SAMD12: variants seen among roughly 807,000 people sequenced by gnomAD.
SAMD12 encodes sterile alpha motif domain-containing protein 12.
Under a neutral mutation model 15.0 loss-of-function variants are expected in SAMD12, and 9 were observed. That is an observed-to-expected ratio of 0.60 (90% CI 0.36 to 1.05). The LOEUF is 1.05. Among genes scored for constraint, SAMD12 ranks in the 50% least tolerant of loss-of-function variants. SAMD12 has a pLI of 0.01. For synonymous variants in SAMD12, 86 were observed against 90.1 expected (o/e 0.96, Z 0.25); for missense variants, 230 against 234.2 (o/e 0.98, Z 0.12).
chr8:118,203,576 C>A (rs1354864682), intron 4 of SAMD12, among the ~76,000 whole-genome samples: 1 of 151,960 alleles, frequency 6.6e-6, no homozygotes, highest in African/African-American at 2.4e-5. Context: ...ATTTTCTTTT[C>A]TTTTTTTAAT....
the SAMD12 span, among the ~76,000 whole-genome samples, chr8:118,156,982 G>A: frequency 6.6e-6 from 1 of 152,138 alleles, no homozygotes; most frequent in African/African-American, 2.4e-5. Context: ...GGATATTCAA[G>A]ACAGAGGAAA....
chr8:118,265,957 G>A (rs942928053), intron 4 of SAMD12, among the ~76,000 whole-genome samples: 48 of 152,106 alleles, frequency 3.2e-4, no homozygotes, highest in African/African-American at 1.1e-3. Flanking sequence ...TTTTCACACT[G>A]TTATAAAGAC....
intron 2 of SAMD12, among the ~76,000 whole-genome samples, chr8:118,564,813 A>G (rs984396600): frequency 6.6e-6 from 1 of 152,234 alleles, no homozygotes; most frequent in African/African-American, 2.4e-5. Context: ...GAAGGTTGCT[A>G]TAAGTCAGCT....
chr8:118,578,604 A>G (rs1563594451), intron 2 of SAMD12, among the ~76,000 whole-genome samples: 1 of 152,300 alleles, frequency 6.6e-6, no homozygotes, highest in East Asian at 1.9e-4. Flanking sequence ...ATGCAATGGA[A>G]GGGAAAATGT....
intron 4 of SAMD12, among the ~76,000 whole-genome samples, chr8:118,341,286 C>G (rs1220392487): frequency 6.6e-6 from 1 of 152,168 alleles, no homozygotes; most frequent in African/African-American, 2.4e-5. Context: ...CAGTGTATGC[C>G]TAGCTTAGCC....
At chr8:118,205,873 A>C (rs1289624065) in intron 4 of SAMD12, among the ~76,000 whole-genome samples, 1 of 152,134 alleles carries the variant, frequency 6.6e-6, no homozygotes, top group East Asian at 1.9e-4. Context: ...AGAGAAAAAG[A>C]ATGCCCTTGT....
At position 118,508,113 on chromosome 8, in the gene SAMD12, C is replaced by T. The variant is rs144446252; in HGVS notation, c.193-68152G>A. 6.8e-4 allele frequency among the ~76,000 whole-genome samples: 103 copies of T among 150,878 alleles called. 1 individual carries two copies. The East Asian group carries it at 0.017, about 26-fold the overall frequency. ...GGATCAAGGGATCTTCCTGCCTCAGCCTCATGAGTAGCTGGGACTACAGGT... is the reference window on the plus strand; with the variant it reads ...GGATCAAGGGATCTTCCTGCCTCAGTCTCATGAGTAGCTGGGACTACAGGT... On this transcript the variant is annotated intron_variant, in intron 2 of 3. Transcript: ENST00000314727.
At chr8:118,326,173 T>C (rs4628280) in intron 4 of SAMD12, among the ~76,000 whole-genome samples, 68,452 of 151,990 alleles carry the variant, frequency 0.45, 16,564 homozygotes, top group African/African-American at 0.64. Flanking sequence ...TATGAATTAT[T>C]GCTAGAGGAT....
At chr8:118,156,369 C>T in the SAMD12 span, among the ~76,000 whole-genome samples, 2 of 152,132 alleles carry the variant, frequency 1.3e-5, no homozygotes, top group African/African-American at 4.8e-5. Flanking sequence ...GTCTTGCAGC[C>T]AACTTGATTT....
chr8:118,250,440 T>G (rs1241977789), intron 4 of SAMD12, among the ~76,000 whole-genome samples: 1 of 152,034 alleles, frequency 6.6e-6, no homozygotes, highest in Non-Finnish European at 1.5e-5. Context: ...ACTTGTTAAT[T>G]GTGGTGAATG....
At chr8:118,294,963 T>C (rs910413212) in intron 4 of SAMD12, among the ~76,000 whole-genome samples, 9 of 152,198 alleles carry the variant, frequency 5.9e-5, no homozygotes, top group African/African-American at 1.2e-4. Flanking sequence ...AACTGTATTA[T>C]ATAATTATGG....
intron 4 of SAMD12, among the ~76,000 whole-genome samples, chr8:118,259,504 G>A (rs189189499): frequency 1.4e-4 from 22 of 152,172 alleles, no homozygotes; most frequent in Admixed American, 9.2e-4. Context: ...CCCTAAGTGC[G>A]CACAGTGATG....
chr8:118,151,660 C>T, the SAMD12 span, among the ~76,000 whole-genome samples: 1 of 151,822 alleles, frequency 6.6e-6, no homozygotes, highest in Non-Finnish European at 1.5e-5. Flanking sequence ...AACCTCATCT[C>T]TACTAAAAAT....
At chr8:118,457,919 C>T (rs912193036) in intron 2 of SAMD12, among the ~76,000 whole-genome samples, 15 of 152,242 alleles carry the variant, frequency 9.9e-5, no homozygotes, top group Admixed American at 7.9e-4. Flanking sequence ...TGAGGGTGAC[C>T]GGCCTCCTCT....
intron 4 of SAMD12, among the ~76,000 whole-genome samples, chr8:118,344,017 T>C (rs1395803369): frequency 6.6e-6 from 1 of 152,182 alleles, no homozygotes; most frequent in Non-Finnish European, 1.5e-5. Context: ...TACATGGAAA[T>C]TCCTTCCTGA....
At chr8:118,194,550 T>C (rs1318089918) in exon 5 of SAMD12, 2 of 152,064 alleles carry the variant, frequency 1.3e-5, no homozygotes, top group Non-Finnish European at 2.9e-5. Context: ...TTCCCAAGAG[T>C]GCCTTTCCTG....
chr8:118,598,379 A>C (rs2131293835), intron 1 of SAMD12, among the ~76,000 whole-genome samples: 1 of 152,362 alleles, frequency 6.6e-6, no homozygotes, highest in African/African-American at 2.4e-5. Flanking sequence ...GAGACACCAG[A>C]GTGTGCAAGC....
chr8:118,177,966 G>T, the SAMD12 span, among the ~76,000 whole-genome samples: 1 of 152,078 alleles, frequency 6.6e-6, no homozygotes, highest in Non-Finnish European at 1.5e-5. Context: ...TTGAAACCTC[G>T]CAACCACTGT....
chr8:118,198,867 C>G (rs576978931), intron 4 of SAMD12, among the ~76,000 whole-genome samples: 5 of 151,648 alleles, frequency 3.3e-5, no homozygotes, highest in Non-Finnish European at 7.4e-5. Flanking sequence ...AATTCCATTC[C>G]TAGGAGTATA....
Sources: allele counts gnomAD v4.1 joint callset (sites outside exome capture counted in the v4.1 genomes callset), GRCh38; gene constraint gnomAD v4.1.1; transcripts MANE v1.5; gene names NCBI Gene and HGNC (gene_info 2026-07-23, HGNC 2026-07-21).